The following MYOCD variants were observed in gnomAD, a reference collection of about 807,000 sequenced individuals.
The protein encoded by MYOCD is myocardin.
Under a neutral mutation model 96.1 loss-of-function variants are expected in MYOCD, and 32 were observed. The observed-to-expected ratio is 0.33, with a 90% CI of 0.25 to 0.45. The LOEUF (loss-of-function observed/expected upper bound fraction) is 0.45, where lower values mean the gene tolerates loss of function less well. Among genes scored for constraint, MYOCD ranks in the 20% least tolerant of loss-of-function variants. MYOCD has a pLI of 1.00. For synonymous variants in MYOCD, 469 were observed against 469.0 expected (o/e 1.00, Z 0.00); for missense variants, 1,133 against 1,200.6 (o/e 0.94, Z 0.83).
chr17:12,683,976 G>C (rs375607978), intron 1 of MYOCD, among the ~76,000 whole-genome samples: 1 of 152,120 alleles, frequency 6.6e-6, no homozygotes, highest in Non-Finnish European at 1.5e-5. Context: ...TACTTCAAAG[G>C]CTCCTGGCAG....
intron 1 of MYOCD, among the ~76,000 whole-genome samples, chr17:12,681,895 T>C (rs1910489430): frequency 6.6e-6 from 1 of 152,162 alleles, no homozygotes; most frequent in African/African-American, 2.4e-5. Context: ...TTATTCTTGG[T>C]CAGTGAATAC....
chr17:12,689,380 A>T (rs1253164395), intron 1 of MYOCD, among the ~76,000 whole-genome samples: 1 of 152,208 alleles, frequency 6.6e-6, no homozygotes, highest in Non-Finnish European at 1.5e-5. Flanking sequence ...ATTTTGTCAG[A>T]TATAAACCTA....
In MYOCD at chr17:12,763,582, T is replaced by A; in HGVS notation, c.2899T>A (p.Phe967Ile). The A allele has an allele frequency of 6.2e-7, 1 of 1,614,046 alleles. No individual in the cohort carries two copies. Among genetic ancestry groups the A allele is most frequent in the Non-Finnish European group, 8.5e-7 (1 of 1,179,994 alleles). Residue 967 changes from phenylalanine to isoleucine, a missense_variant, in exon 14 of 14, where the codon TTC (phenylalanine) becomes ATC (isoleucine). Transcript: ENST00000425538. Reference sequence around the variant, plus strand: ...CAGCCCCAGCATCTTCAACATCGATTTCCTGGATGTCACTGATCTCAATTT... The same window carrying A: ...CAGCCCCAGCATCTTCAACATCGATATCCTGGATGTCACTGATCTCAATTT... ...TSSPSIFNID[F>I]LDVTDLNLNS...
chr17:12,722,290 G>A (rs2031861947), intron 4 of MYOCD, among the ~76,000 whole-genome samples: 1 of 152,140 alleles, frequency 6.6e-6, no homozygotes, highest in Non-Finnish European at 1.5e-5. Context: ...CAAATGATGA[G>A]AAACTGCCTG....
chr17:12,712,192 G>T (rs1248954207), intron 2 of MYOCD, among the ~76,000 whole-genome samples: 2 of 152,110 alleles, frequency 1.3e-5, no homozygotes, highest in South Asian at 2.1e-4. Flanking sequence ...GTTCCCAATT[G>T]CTGAAGATGC....
chr17:12,763,286 T>G lies in MYOCD; in HGVS notation c.2603T>G (p.Met868Arg), dbSNP rs558482139. ...AATTCCCAGAGCCCCCTAGGAAAGA[T>G]GAGTGATGTCACCCTTCTAAAAATT... ...LLNSQSPLGKMSDVTLLKIGS... is the reference protein window; with the variant it reads ...LLNSQSPLGKRSDVTLLKIGS... Residue 868 changes from methionine to arginine, a missense_variant, in exon 14 of 14, where the codon ATG becomes AGG. Met to Arg is a moderately conservative substitution (Grantham distance 91). Transcript: ENST00000425538. 31 of 1,613,012 alleles carry G rather than the reference T, an allele frequency of 1.9e-5. No homozygotes were observed. In the South Asian group the frequency reaches 2.0e-4, roughly 10 times the overall value.
At chr17:12,693,963 A>T (rs528950719) in intron 1 of MYOCD, among the ~76,000 whole-genome samples, 47 of 152,326 alleles carry the variant, frequency 3.1e-4, no homozygotes, top group Middle Eastern at 6.8e-3. Context: ...GTTGATAAAA[A>T]CATTGGGATG....
chr17:12,682,072 C>T (rs933450673), intron 1 of MYOCD, among the ~76,000 whole-genome samples: 1 of 152,134 alleles, frequency 6.6e-6, no homozygotes, highest in East Asian at 1.9e-4. Flanking sequence ...AGGGCAAGAC[C>T]GACGCAGATA....
intron 10 of MYOCD, among the ~76,000 whole-genome samples, chr17:12,754,967 C>A (rs375554581): frequency 6.6e-6 from 1 of 152,148 alleles, no homozygotes; most frequent in Non-Finnish European, 1.5e-5. Flanking sequence ...TTTGTTAATT[C>A]TAAGTACAAT....
chr17:12,765,217 A>G lies in MYOCD; in HGVS notation c.*1573A>G, dbSNP rs1567606732. ...TCTCTGTAAGGCTCTCTGTGGCTCC[A>G]GTTCACCATTTTATATTGTTGCATG... On this transcript the variant is annotated 3_prime_UTR_variant, in exon 14 of 14. Transcript: ENST00000425538. 1 of 152,126 alleles carries G rather than the reference A, an allele frequency of 6.6e-6. No individual in the cohort carries two copies. The highest frequency in any genetic ancestry group is 6.6e-5 in the Admixed American group (1 of 15,264). The allele number at this position is 152,126 out of a possible 1,614,324, so 9.4% of individuals were successfully genotyped here.
chr17:12,671,785 G>A (rs192952951), intron 1 of MYOCD: 2 of 152,254 alleles, frequency 1.3e-5, no homozygotes, highest in Non-Finnish European at 2.9e-5. Flanking sequence ...CAGGGCAGAA[G>A]CAAAATACTC....
intron 1 of MYOCD, among the ~76,000 whole-genome samples, chr17:12,696,831 G>A (rs1313695448): frequency 6.6e-6 from 1 of 152,172 alleles, no homozygotes; most frequent in Non-Finnish European, 1.5e-5. Flanking sequence ...GTTAGACAGT[G>A]CACAGGTGAG....
chr17:12,671,352 A>G (rs562590251), intron 1 of MYOCD, among the ~76,000 whole-genome samples: 12 of 152,230 alleles, frequency 7.9e-5, no homozygotes, highest in East Asian at 1.9e-4. Flanking sequence ...TACTAAAACT[A>G]GAACAAAAAG....
At chr17:12,679,937 T>G (rs747238781) in intron 1 of MYOCD, among the ~76,000 whole-genome samples, 2 of 152,248 alleles carry the variant, frequency 1.3e-5, no homozygotes, top group Non-Finnish European at 2.9e-5. Flanking sequence ...CTCTGCAGAC[T>G]TGAATTCCTA....
At chr17:12,703,147 G>A (rs1347607333) in intron 1 of MYOCD, among the ~76,000 whole-genome samples, 3 of 151,866 alleles carry the variant, frequency 2.0e-5, no homozygotes, top group Non-Finnish European at 1.5e-5. Context: ...GGGGCGGGGT[G>A]TTTATCTGTT....
At chr17:12,715,310 C>CT (rs16713) in intron 2 of MYOCD, among the ~76,000 whole-genome samples, 3 of 151,712 alleles carry the variant, frequency 2.0e-5, no homozygotes, top group Non-Finnish European at 2.9e-5. Flanking sequence ...TGCTACTCCC[C>CT]GTTTGAGGCT....
At chr17:12,750,233 G>A (rs2032806779) in intron 9 of MYOCD, among the ~76,000 whole-genome samples, 1 of 152,122 alleles carries the variant, frequency 6.6e-6, no homozygotes, top group African/African-American at 2.4e-5. Context: ...ACATTAATGT[G>A]TGAACTGAAT....
Position 12,750,518 on chromosome 17 carries a change from G to A in MYOCD, c.1126-1896G>A, listed in dbSNP as rs9892766. On this transcript the variant is annotated intron_variant, in intron 9 of 13. Transcript: ENST00000425538. ...AGCCTGGCCAACATGGTGAAACCCC[G>A]TCTCTACTTAAAATACAAAAATTAG... Among the ~76,000 whole-genome samples, 1,463 of 152,022 alleles carry A rather than the reference G, an allele frequency of 9.6e-3. 29 individuals carry two copies. Among genetic ancestry groups the A allele is most frequent in the African/African-American group, 0.034 (1,400 of 41,470 alleles).
chr17:12,703,485 A>G (rs569247031), intron 1 of MYOCD, among the ~76,000 whole-genome samples: 3 of 152,014 alleles, frequency 2.0e-5, no homozygotes, highest in Non-Finnish European at 4.4e-5. Context: ...TCTGTTCTTA[A>G]ATGCATATCC....
Sources: gnomAD v4.1 joint callset for allele counts (sites outside exome capture counted in the v4.1 genomes callset) on GRCh38, gnomAD v4.1.1 for gene constraint, MANE v1.5 for transcripts, NCBI Gene and HGNC (gene_info 2026-07-23, HGNC 2026-07-21) for gene names.